WDR41: variants seen among roughly 807,000 people sequenced by gnomAD.
WDR41 encodes WD repeat domain 41.
WDR41 carries 63 observed loss-of-function variants against 69.3 expected under a neutral mutation model. That is an observed-to-expected ratio of 0.91 (90% CI 0.74 to 1.12). The LOEUF (loss-of-function observed/expected upper bound fraction) is 1.12, where lower values mean the gene tolerates loss of function less well. Ranked by LOEUF, WDR41 falls within the 50% of genes most tolerant of loss-of-function variation. The probability of loss-of-function intolerance (pLI) is 0.00; values close to 1 mark genes in which losing one functional copy is unlikely to be tolerated. For missense variants in WDR41, 543 were observed against 534.5 expected (o/e 1.02, Z -0.16); for synonymous variants, 185 against 192.1 (o/e 0.96, Z 0.31).
At chr5:77,470,912 T>C (rs1478747553) in intron 2 of WDR41, among the ~76,000 whole-genome samples, 1 of 152,144 alleles carries the variant, frequency 6.6e-6, no homozygotes, top group Non-Finnish European at 1.5e-5. Flanking sequence ...AACTTAGCTC[T>C]GCACCAAGCA....
At chr5:77,436,592 CTT>C (rs755615361) in intron 11 of WDR41, among the ~76,000 whole-genome samples, 198 bp from the exon 12 acceptor site, 1 of 152,196 alleles carries the variant, frequency 6.6e-6, no homozygotes, top group Non-Finnish European at 1.5e-5. Flanking sequence ...TTCTTCATCT[CTT>C]TTTATTGCCC....
At chr5:77,521,084 C>T (rs1157749939) in intron 1 of WDR41, among the ~76,000 whole-genome samples, 1 of 152,132 alleles carries the variant, frequency 6.6e-6, no homozygotes, top group Non-Finnish European at 1.5e-5. Context: ...ACCCTTGTCT[C>T]CTAAGGTTCC....
chr5:77,613,600 A>G (rs1744612008), intron 1 of WDR41, among the ~76,000 whole-genome samples: 3 of 152,230 alleles, frequency 2.0e-5, no homozygotes, highest in Non-Finnish European at 4.4e-5. Flanking sequence ...ATATGGAGAA[A>G]GCTGAAACTG....
intron 2 of WDR41, among the ~76,000 whole-genome samples, chr5:77,486,008 A>G (rs909007452): frequency 3.9e-5 from 6 of 152,234 alleles, no homozygotes; most frequent in African/African-American, 1.4e-4. Context: ...ATAATGATAT[A>G]AAATTTTAAA....
In WDR41 at chr5:77,463,103, T is replaced by A; in HGVS notation, c.340A>T (p.Thr114Ser). 1 of 1,611,688 alleles carries A rather than the reference T, an allele frequency of 6.2e-7. No individual in the cohort carries two copies. Among genetic ancestry groups the A allele is most frequent in the Non-Finnish European group, 8.5e-7 (1 of 1,179,004 alleles). The part of the protein sequence containing the change: ...QLILTASADR[T>S]VIVWDGDTTR... ...TCCAGATTAAAGGATACAATAACTG[T>A]TCTATCAGCAGAGGCTGTCAAGATG... is the stretch of plus-strand genomic sequence containing the variant. The change falls in exon 4 of 13, where the codon ACA becomes TCA. Residue 114 changes from threonine to serine, a missense_variant. By Grantham distance (58) the Thr-to-Ser change is moderately conservative. Transcript: ENST00000296679.
intron 2 of WDR41, among the ~76,000 whole-genome samples, chr5:77,482,098 G>A (rs1801298839): frequency 6.6e-6 from 1 of 151,998 alleles, no homozygotes. Flanking sequence ...TGGAGAGAAG[G>A]GCATTATAAT....
At chr5:77,492,506 G>C (rs953040023), upstream of WDR41, 1 of 383,688 alleles carries the variant, frequency 2.6e-6, no homozygotes, top group Non-Finnish European at 4.6e-6. Context: ...GCTGCTCCGA[G>C]TGAGCACGCG....
At chr5:77,496,865 C>A (rs529571493), upstream of WDR41, among the ~76,000 whole-genome samples, 17 of 152,092 alleles carry the variant, frequency 1.1e-4, no homozygotes, top group South Asian at 3.5e-3. Flanking sequence ...GAACTTACCA[C>A]GAAGTTAAAG....
At chr5:77,529,292 A>C (rs1802490333) in intron 1 of WDR41, among the ~76,000 whole-genome samples, 2 of 151,590 alleles carry the variant, frequency 1.3e-5, no homozygotes, top group African/African-American at 4.8e-5. Flanking sequence ...AACATCAAAA[A>C]AAGCAAACAA....
chr5:77,534,860 G>C (rs1014227420), intron 1 of WDR41, among the ~76,000 whole-genome samples: 1 of 152,180 alleles, frequency 6.6e-6, no homozygotes, highest in African/African-American at 2.4e-5. Flanking sequence ...AACAATAAAT[G>C]ATGTGTAGTG....
At chr5:77,524,930 A>T (rs767384694) in intron 1 of WDR41, among the ~76,000 whole-genome samples, 8 of 152,244 alleles carry the variant, frequency 5.3e-5, no homozygotes, top group Admixed American at 2.0e-4. Context: ...AATATAAAAT[A>T]ATGCTTCGTT....
At chr5:77,484,761 A>G (rs1801435046) in intron 2 of WDR41, among the ~76,000 whole-genome samples, 1 of 152,200 alleles carries the variant, frequency 6.6e-6, no homozygotes, top group Admixed American at 6.5e-5. Flanking sequence ...GAAGTGTGGC[A>G]GACGCCAATA....
At chr5:77,595,850 A>T (rs1580040197) in intron 1 of WDR41, among the ~76,000 whole-genome samples, 2 of 152,298 alleles carry the variant, frequency 1.3e-5, no homozygotes, top group East Asian at 3.9e-4. Context: ...TTTCAGATAC[A>T]GTTATGGAAC....
At chr5:77,519,160 T>G (rs946287601) in intron 1 of WDR41, among the ~76,000 whole-genome samples, 1 of 152,088 alleles carries the variant, frequency 6.6e-6, no homozygotes, top group Non-Finnish European at 1.5e-5. Context: ...AGGAAAATAA[T>G]TATTTATTAG....
At chr5:77,450,386 T>A (rs1228989059) in intron 7 of WDR41, among the ~76,000 whole-genome samples, 1 of 152,264 alleles carries the variant, frequency 6.6e-6, no homozygotes, top group East Asian at 1.9e-4. Context: ...TCTCTGAGTA[T>A]GTCTTATAAT....
chr5:77,475,212 A>T (rs1170942465), intron 2 of WDR41, among the ~76,000 whole-genome samples: 1 of 152,192 alleles, frequency 6.6e-6, no homozygotes, highest in African/African-American at 2.4e-5. Flanking sequence ...TCTGAGATCA[A>T]ACTGCAAGGC....
intron 8 of WDR41, 80 bp downstream of exon 8, chr5:77,449,680 A>G: frequency 4.4e-6 from 4 of 905,362 alleles, no homozygotes; most frequent in Non-Finnish European, 5.2e-6. Flanking sequence ...GAATCCCAGA[A>G]CTAAGCAAGG....
chr5:77,517,305 T>A (rs1802303956), intron 1 of WDR41, among the ~76,000 whole-genome samples: 1 of 152,204 alleles, frequency 6.6e-6, no homozygotes, highest in East Asian at 1.9e-4. Context: ...TAGATCTTCA[T>A]CTTTAAACAT....
At chr5:77,463,300 C>T in intron 3 of WDR41, 74 bp from the exon 4 acceptor site, 1 of 1,394,090 alleles carries the variant, frequency 7.2e-7, no homozygotes, top group Non-Finnish European at 9.8e-7. Flanking sequence ...ACATTAAGTA[C>T]AACTACCATA....
Sources: allele counts gnomAD v4.1 joint callset (sites outside exome capture counted in the v4.1 genomes callset), GRCh38; gene constraint gnomAD v4.1.1; transcripts MANE v1.5; gene names NCBI Gene and HGNC (gene_info 2026-07-23, HGNC 2026-07-21).